Variants in PER3 observed in about 807,000 individuals in gnomAD.
PER3 encodes the protein period circadian protein homolog 3.
PER3 carries 107 observed loss-of-function variants against 127.2 expected under a neutral mutation model. The observed-to-expected ratio is 0.84, with a 90% CI of 0.72 to 0.99. The LOEUF (loss-of-function observed/expected upper bound fraction) is 0.99, where lower values mean the gene tolerates loss of function less well. Among genes scored for constraint, PER3 ranks in the 50% least tolerant of loss-of-function variants. The pLI is 0.00. For synonymous variants in PER3, 618 were observed against 585.8 expected, an observed-to-expected ratio of 1.05 and a Z score of -0.79; for missense variants, 1,560 against 1,525.8, an observed-to-expected ratio of 1.02 and a Z score of -0.37.
In PER3 at chr1:7,798,595, C is replaced by T; in HGVS notation, c.715C>T (p.His239Tyr). ...FRIIPYLIHV[H>Y]HPAQPELESE... is the part of the protein sequence containing the mutation. ...GATCATCCCCTATCTGATTCATGTA[C>T]ATCACCCTGCCCAGCCAGAATTGGA... is the stretch of plus-strand genomic sequence containing the variant. The change falls in exon 7 of 22, where the codon CAT becomes TAT. Residue 239 changes from histidine (H) to tyrosine (Y), a missense_variant. This residue lies in a region of PER3 where 1,332 missense variants were observed against 1,223.6 expected (regional missense o/e 1.09). Coordinates refer to ENST00000377532, the MANE Select transcript of PER3 (RefSeq NM_001377275.1). The T allele has an allele frequency of 1.2e-6, 2 of 1,612,950 alleles. No homozygotes were observed. Among genetic ancestry groups the T allele is most frequent in the South Asian group, 1.1e-5 (1 of 91,044 alleles).
chr1:7,824,155 TA>T (rs2151088932), intron 16 of PER3, among the ~76,000 whole-genome samples: 1 of 152,312 alleles, frequency 6.6e-6, no homozygotes, highest in Admixed American at 6.5e-5. Flanking sequence ...TAAATAGCTT[TA>T]AAAATGCCGT....
intron 4 of PER3, chr1:7,787,589 C>A: frequency 9.5e-6 from 3 of 315,142 alleles, no homozygotes; most frequent in South Asian, 2.6e-5. Context: ...ACACAAACTG[C>A]TGATTATAAA....
Position 7,827,522 on chromosome 1 carries a change from G to T in PER3, c.2593G>T (p.Val865Phe). The T allele has an allele frequency of 6.2e-7, 1 of 1,614,156 alleles. No individual in the cohort carries two copies. The highest frequency in any genetic ancestry group is 2.2e-5 in the East Asian group (1 of 44,884). Residue 865 changes from valine to phenylalanine, a missense_variant, in exon 18 of 22, where the codon GTC (valine) becomes TTC (phenylalanine). This residue lies in a region of PER3 where 1,332 missense variants were observed against 1,223.6 expected (regional missense o/e 1.09). Transcript: ENST00000377532. ...GACCGTTTTCCTGCCTGACCCCCCT[G>T]TCTGTCCTCTGTTGTCGCCATCGTT... ...FMTVFLPDPPVCPLLSPSFLP... is the reference protein window; with the variant it reads ...FMTVFLPDPPFCPLLSPSFLP...
At chr1:7,816,489 A>G (rs1016792937) in intron 13 of PER3, among the ~76,000 whole-genome samples, 1 of 152,244 alleles carries the variant, frequency 6.6e-6, no homozygotes, top group Non-Finnish European at 1.5e-5. Context: ...TATCCAGTGT[A>G]CATAAAGAAC....
chr1:7,818,303 AG>A (rs1481589744), intron 13 of PER3, among the ~76,000 whole-genome samples: 1 of 152,228 alleles, frequency 6.6e-6, no homozygotes, highest in African/African-American at 2.4e-5. Context: ...CAACTCTTCA[AG>A]TCTAAAATTA....
intron 21 of PER3, among the ~76,000 whole-genome samples, chr1:7,840,896 C>G (rs2097383707): frequency 2.0e-5 from 3 of 152,210 alleles, no homozygotes; most frequent in Admixed American, 1.3e-4. Flanking sequence ...GCGTGAGCCA[C>G]TGTGCCCTAC....
intron 10 of PER3, among the ~76,000 whole-genome samples, chr1:7,807,137 C>T (rs960870525): frequency 6.6e-6 from 1 of 152,076 alleles, no homozygotes; most frequent in Non-Finnish European, 1.5e-5. Context: ...AGACAAAATA[C>T]CTCACCCCGT....
intron 21 of PER3, among the ~76,000 whole-genome samples, chr1:7,841,967 A>G (rs1471409246): frequency 6.6e-6 from 1 of 151,966 alleles, no homozygotes; most frequent in Non-Finnish European, 1.5e-5. Context: ...TGCTACAATC[A>G]CTCCTAGGCC....
chr1:7,827,455 G>C lies in PER3; in HGVS notation c.2526G>C (p.Gln842His). Residue 842 changes from glutamine to histidine, a missense_variant, in exon 18 of 22, where the codon CAG becomes CAC. Gln to His is a conservative substitution (Grantham distance 24). Around this residue, in one of 3 missense-constraint regions of PER3, gnomAD observed 1,332 missense variants for 1,223.6 expected, o/e 1.09. Transcript: ENST00000377532. ...GGCTGCCCTTGTCCGAGGGCTTGCA[G>C]CCTTACCCAGCTTTCCCTTTTCCTT... The part of the protein sequence containing the change: ...LHGLPLSEGL[Q>H]PYPAFPFPYL... The C allele has an allele frequency of 6.2e-7, 1 of 1,614,176 alleles. No homozygotes were observed. The highest frequency in any genetic ancestry group is 8.5e-7 in the Non-Finnish European group (1 of 1,180,010).
At chr1:7,812,956 A>G (rs1336727250) in intron 13 of PER3, among the ~76,000 whole-genome samples, 1 of 152,200 alleles carries the variant, frequency 6.6e-6, no homozygotes, top group Non-Finnish European at 1.5e-5. Flanking sequence ...TTGACTAGAG[A>G]TGTATACCAA....
rs34144861 is a variant in PER3 at position 7,815,991 on chromosome 1, C to CAAA, written c.1523-3270_1523-3268dup. ...CTGGGCGACAGAGCGGACTCCGTCT[C>CAAA]AAAAAAAAAAAAAAAAAAAAAAAAA... On this transcript the variant is annotated intron_variant, in intron 13 of 21. Coordinates refer to ENST00000377532, the MANE Select transcript of PER3 (RefSeq NM_001377275.1). 4.5e-3 allele frequency among the ~76,000 whole-genome samples: 306 copies of CAAA among 67,630 alleles called. 17 individuals are homozygous for CAAA. The highest frequency in any genetic ancestry group is 8.5e-3 in the East Asian group (11 of 1,292). 44.4% of individuals were successfully genotyped at this position (67,630 alleles called of 152,430 possible).
At position 7,798,598 on chromosome 1, in the gene PER3, C is replaced by A; in HGVS notation, c.718C>A (p.His240Asn). 1 of 1,613,048 alleles carries A rather than the reference C, an allele frequency of 6.2e-7. No individual in the cohort carries two copies. Among genetic ancestry groups the A allele is most frequent in the Non-Finnish European group, 8.5e-7 (1 of 1,178,986 alleles). Residue 240 changes from histidine (H) to asparagine (N), a missense_variant, in exon 7 of 22, where the codon CAC becomes AAC. His to Asn is a moderately conservative substitution (Grantham distance 68, BLOSUM62 1). This residue lies in a region of PER3 where 1,332 missense variants were observed against 1,223.6 expected (regional missense o/e 1.09). Coordinates refer to ENST00000377532, the MANE Select transcript of PER3 (RefSeq NM_001377275.1). ...RIIPYLIHVH[H>N]PAQPELESEP... ...CATCCCCTATCTGATTCATGTACAT[C>A]ACCCTGCCCAGCCAGAATTGGAATC...
At chr1:7,786,319 C>T (rs555889132) in intron 3 of PER3, among the ~76,000 whole-genome samples, 1 of 152,234 alleles carries the variant, frequency 6.6e-6, no homozygotes, top group South Asian at 2.1e-4. Flanking sequence ...TAAAAATGAA[C>T]CATTGTAAAC....
chr1:7,838,288 C>T (rs985914961), intron 21 of PER3, among the ~76,000 whole-genome samples: 7 of 152,100 alleles, frequency 4.6e-5, no homozygotes, highest in South Asian at 2.1e-4. Context: ...ATTATGCAAC[C>T]ATCACCACCA....
intron 16 of PER3, among the ~76,000 whole-genome samples, chr1:7,825,943 C>T (rs564207929): frequency 1.3e-4 from 19 of 151,222 alleles, no homozygotes; most frequent in African/African-American, 4.4e-4. Flanking sequence ...TGGTGTGGCA[C>T]ACGCTTATAG....
At chr1:7,841,241 C>T (rs148469752) in intron 21 of PER3, among the ~76,000 whole-genome samples, 32 of 151,744 alleles carry the variant, frequency 2.1e-4, no homozygotes, top group African/African-American at 7.5e-4. Context: ...GGAAGGGGGT[C>T]GCACAAGCTG....
intron 14 of PER3, 72 bp downstream of exon 14, chr1:7,819,492 T>C (rs1223684668): frequency 5.8e-6 from 8 of 1,371,150 alleles, no homozygotes; most frequent in African/African-American, 1.4e-5. Flanking sequence ...AGAGACTTCA[T>C]AGAATTTTTA....
intron 16 of PER3, among the ~76,000 whole-genome samples, chr1:7,821,441 C>T (rs922466776): frequency 7.9e-5 from 12 of 152,190 alleles, no homozygotes; most frequent in Non-Finnish European, 2.9e-5. Context: ...GATCAGAGAG[C>T]ATTACGTTTC....
chr1:7,787,094 C>T (rs1308302064), intron 4 of PER3: 3 of 377,650 alleles, frequency 7.9e-6, no homozygotes, highest in African/African-American at 4.1e-5. Context: ...TTAGCATTCC[C>T]AAGCTCTCTT....
Sources: gnomAD v4.1 joint callset for allele counts (sites outside exome capture counted in the v4.1 genomes callset) on GRCh38, gnomAD v4.1.1 for gene constraint, gnomAD v4.1.1 regional missense constraint, MANE v1.5 for transcripts, NCBI Gene and HGNC (gene_info 2026-07-23, HGNC 2026-07-21) for gene names.